The following FBXL7 variants were observed in gnomAD, a reference collection of about 807,000 sequenced individuals.
FBXL7 encodes F-box/LRR-repeat protein 7.
In FBXL7, 12 loss-of-function variants were observed where a neutral mutation model predicts 38.3. That is an observed-to-expected ratio of 0.31 (90% CI 0.20 to 0.51). The LOEUF (loss-of-function observed/expected upper bound fraction) is 0.51, where lower values mean the gene tolerates loss of function less well. Among genes scored for constraint, FBXL7 ranks in the 20% least tolerant of loss-of-function variants. FBXL7 has a pLI of 0.98. For missense variants in FBXL7, 567 were observed against 676.4 expected, an observed-to-expected ratio of 0.84 and a Z score of 1.79; for synonymous variants, 297 against 300.9, an observed-to-expected ratio of 0.99 and a Z score of 0.13.
chr5:15,762,427 A>G (rs1214051972), intron 2 of FBXL7, among the ~76,000 whole-genome samples: 1 of 152,194 alleles, frequency 6.6e-6, no homozygotes, highest in Admixed American at 6.5e-5. Context: ...ACTAAGATCC[A>G]TGTTGGAAAT....
intron 2 of FBXL7, among the ~76,000 whole-genome samples, chr5:15,732,871 C>T (rs1050610353): frequency 4.6e-5 from 7 of 152,232 alleles, no homozygotes; most frequent in South Asian, 4.2e-4. Flanking sequence ...TCAGGACTTC[C>T]TCTTTCTTGA....
chr5:15,542,437 A>G (rs1455859936), intron 1 of FBXL7, among the ~76,000 whole-genome samples: 1 of 152,216 alleles, frequency 6.6e-6, no homozygotes. Context: ...AGACTTTCCT[A>G]TGAGCATTCT....
intron 1 of FBXL7, among the ~76,000 whole-genome samples, chr5:15,556,577 C>G (rs145581040): frequency 1.3e-5 from 2 of 152,084 alleles, no homozygotes; most frequent in Non-Finnish European, 2.9e-5. Context: ...GGATGAATCC[C>G]AAATAGCAGA....
At chr5:15,529,758 C>T (rs1737366635) in intron 1 of FBXL7, among the ~76,000 whole-genome samples, 1 of 152,298 alleles carries the variant, frequency 6.6e-6, no homozygotes, top group Admixed American at 6.5e-5. Flanking sequence ...TTTTTATTGC[C>T]TTCCTTCTTA....
At chr5:15,558,909 G>A (rs1479078218) in intron 1 of FBXL7, among the ~76,000 whole-genome samples, 1 of 152,154 alleles carries the variant, frequency 6.6e-6, no homozygotes, top group African/African-American at 2.4e-5. Flanking sequence ...CAAATCCCGG[G>A]TGCTTTCTGT....
intron 2 of FBXL7, among the ~76,000 whole-genome samples, chr5:15,788,997 C>T (rs973342712): frequency 6.6e-6 from 1 of 151,898 alleles, no homozygotes; most frequent in Non-Finnish European, 1.5e-5. Context: ...ACTACAGGTG[C>T]CCGCCACCGC....
In FBXL7 at chr5:15,928,118, A is replaced by G; in HGVS notation, c.356A>G (p.Asp119Gly). The G allele has an allele frequency of 6.3e-7, 1 of 1,595,836 alleles. No individual in the cohort carries two copies. Among genetic ancestry groups the G allele is most frequent in the Non-Finnish European group, 8.5e-7 (1 of 1,170,454 alleles). ...KEQASIDRLPDHSMVQIFSFL... is the reference protein window; with the variant it reads ...KEQASIDRLPGHSMVQIFSFL... The stretch of plus-strand genomic sequence containing the variant: ...CAGGCCAGCATAGACCGGCTCCCGG[A>G]CCACTCCATGGTGCAGATCTTCTCC... The change falls in exon 3 of 4, where the codon GAC becomes GGC. Residue 119 changes from aspartate to glycine, a missense_variant. Physicochemically the swap from Asp to Gly is moderately conservative, Grantham distance 94 (BLOSUM62 -1). Transcript: ENST00000504595. This position sits in a 1 kb window ranked among gnomAD's most constrained non-coding sequence, Gnocchi z 4.0.
chr5:15,851,098 A>G (rs892090637), intron 2 of FBXL7, among the ~76,000 whole-genome samples: 14 of 152,286 alleles, frequency 9.2e-5, no homozygotes, highest in African/African-American at 3.4e-4. Flanking sequence ...TTGTGGAGCT[A>G]TTATACATGT....
intron 2 of FBXL7, among the ~76,000 whole-genome samples, chr5:15,835,583 A>G (rs1373337544): frequency 6.6e-6 from 1 of 152,116 alleles, no homozygotes; most frequent in Non-Finnish European, 1.5e-5. Context: ...AAGAGTGGAT[A>G]TTACTTTAAA....
At chr5:15,676,754 A>G (rs747948755) in intron 2 of FBXL7, among the ~76,000 whole-genome samples, 1 of 152,146 alleles carries the variant, frequency 6.6e-6, no homozygotes, top group Non-Finnish European at 1.5e-5. Context: ...GCCAAGGAAA[A>G]CACTTTCTTG....
intron 2 of FBXL7, among the ~76,000 whole-genome samples, chr5:15,844,463 C>T (rs1400261391): frequency 6.6e-6 from 1 of 152,168 alleles, no homozygotes; most frequent in African/African-American, 2.4e-5. Context: ...TGGACAGTTC[C>T]CCAGGCTTCT....
At chr5:15,587,230 TG>T (rs1739333523) in intron 1 of FBXL7, among the ~76,000 whole-genome samples, 1 of 152,208 alleles carries the variant, frequency 6.6e-6, no homozygotes, top group Non-Finnish European at 1.5e-5. Context: ...CTTACTGGAA[TG>T]CACCTGGCTG....
intron 2 of FBXL7, among the ~76,000 whole-genome samples, chr5:15,718,286 G>A (rs968521566): frequency 6.6e-6 from 1 of 152,070 alleles, no homozygotes; most frequent in Non-Finnish European, 1.5e-5. Flanking sequence ...TAGGTTTGAC[G>A]TTTTTCAAAA....
chr5:15,636,927 C>T (rs1741204245), intron 2 of FBXL7, among the ~76,000 whole-genome samples: 1 of 151,312 alleles, frequency 6.6e-6, no homozygotes, highest in Non-Finnish European at 1.5e-5. Flanking sequence ...AGTGCATTTT[C>T]ATCAGGATGA....
intron 2 of FBXL7, among the ~76,000 whole-genome samples, chr5:15,843,297 A>G (rs1435566869): frequency 6.6e-6 from 1 of 152,164 alleles, no homozygotes; most frequent in East Asian, 1.9e-4. Flanking sequence ...CTGGTTCTTC[A>G]TAACCCTTTC....
rs1160347856 is a variant in FBXL7 at position 15,906,566 on chromosome 5, G to T, written c.128-21324G>T. ...GTTTTAGGGTACATGTGCATATTGT[G>T]CAGATTAGTTACATATGTATACATG... On this transcript the variant is annotated intron_variant, in intron 2 of 3. Transcript: ENST00000504595. 6.4e-5 allele frequency among the ~76,000 whole-genome samples: 9 copies of T among 141,284 alleles called. No individual in the cohort carries two copies. In the Admixed American group the frequency reaches 6.5e-4, roughly 10 times the overall value. The allele number at this position is 141,284 out of a possible 152,430, so 92.7% of individuals were successfully genotyped here. A position where few individuals can be genotyped will look rare whatever the true frequency, so the allele number is the denominator to read the frequency against.
intron 2 of FBXL7, among the ~76,000 whole-genome samples, chr5:15,864,887 C>T (rs1016178335): frequency 6.6e-6 from 1 of 152,118 alleles, no homozygotes; most frequent in Admixed American, 6.6e-5. Flanking sequence ...CTCAAACTAG[C>T]CTCAACTTAA....
At chr5:15,586,882 G>A (rs999678180) in intron 1 of FBXL7, among the ~76,000 whole-genome samples, 5 of 152,150 alleles carry the variant, frequency 3.3e-5, no homozygotes, top group Non-Finnish European at 5.9e-5. Context: ...TCTGGTTAAC[G>A]TTTACACCTG....
chr5:15,537,523 G>A (rs377063421), intron 1 of FBXL7, among the ~76,000 whole-genome samples: 14 of 152,334 alleles, frequency 9.2e-5, no homozygotes, highest in South Asian at 2.1e-4. Flanking sequence ...AGCAAGAGCC[G>A]TTCTTCCCCA....
Sources: allele counts gnomAD v4.1 joint callset (sites outside exome capture counted in the v4.1 genomes callset), GRCh38; gene constraint gnomAD v4.1.1; non-coding constraint Gnocchi (gnomAD v3.1); transcripts MANE v1.5; gene names NCBI Gene and HGNC (gene_info 2026-07-23, HGNC 2026-07-21).